ADK: variants seen among roughly 807,000 people sequenced by gnomAD.
ADK encodes N6,N6-dimethyladenosine kinase.
A neutral mutation model predicts 44.7 loss-of-function variants in ADK; 24 were observed. That is an observed-to-expected ratio of 0.54 (90% CI 0.39 to 0.76). ADK has a LOEUF of 0.76. Among genes scored for constraint, ADK ranks in the 30% least tolerant of loss-of-function variants. The pLI is 0.00. For synonymous variants in ADK, 128 were observed against 142.6 expected (o/e 0.90, Z 0.73); for missense variants, 321 against 425.1 (o/e 0.76, Z 2.15).
chr10:74,229,722 A>G (rs1213446812), intron 3 of ADK, among the ~76,000 whole-genome samples: 1 of 152,014 alleles, frequency 6.6e-6, no homozygotes, highest in Non-Finnish European at 1.5e-5. Context: ...TTAATTGTTA[A>G]TGCTGTGACT....
intron 9 of ADK, among the ~76,000 whole-genome samples, chr10:74,620,782 G>A (rs545939673): frequency 7.8e-4 from 119 of 151,978 alleles, no homozygotes; most frequent in Non-Finnish European, 1.4e-3. Flanking sequence ...GCATTTTCCT[G>A]ATGATTAGTG....
At chr10:74,449,721 A>T (rs1845705594) in intron 6 of ADK, among the ~76,000 whole-genome samples, 1 of 152,196 alleles carries the variant, frequency 6.6e-6, no homozygotes, top group Non-Finnish European at 1.5e-5. Context: ...TGGATGATGC[A>T]TATGCTTTAG....
chr10:74,273,985 G>T (rs1846552949), intron 3 of ADK, among the ~76,000 whole-genome samples: 1 of 151,994 alleles, frequency 6.6e-6, no homozygotes, highest in Non-Finnish European at 1.5e-5. Context: ...GAAAATTAAA[G>T]GTTTTTCTCA....
rs138449599 is a variant in ADK at position 74,158,359 on chromosome 10, A to G, written c.65+7016A>G. Among the ~76,000 whole-genome samples, 145 of 152,338 alleles carry G rather than the reference A, an allele frequency of 9.5e-4. 1 individual carries two copies. In the East Asian group the frequency reaches 0.026, roughly 27 times the overall value. ...CCAAATACCTCTGAAACTTGGTAAC[A>G]TAATTATTATGACTTTATTGTAGGC... On this transcript the variant is annotated intron_variant, in intron 1 of 10. Transcript: ENST00000539909.
chr10:74,272,402 A>C (rs1846468026), intron 3 of ADK, among the ~76,000 whole-genome samples: 1 of 151,558 alleles, frequency 6.6e-6, no homozygotes, highest in Non-Finnish European at 1.5e-5. Flanking sequence ...CAGCTTCCTG[A>C]GTGTTTGGGA....
At chr10:74,404,382 T>C (rs1230152132) in intron 6 of ADK, among the ~76,000 whole-genome samples, 2 of 152,206 alleles carry the variant, frequency 1.3e-5, no homozygotes, top group Non-Finnish European at 2.9e-5. Flanking sequence ...TTATTCCTTT[T>C]GGTTAGAATT....
At chr10:74,393,508 G>A (rs1024996838) in intron 4 of ADK, among the ~76,000 whole-genome samples, 60 of 152,172 alleles carry the variant, frequency 3.9e-4, no homozygotes, top group African/African-American at 1.3e-3. Flanking sequence ...GCATGTTTTA[G>A]CTTAATTTAT....
chr10:74,176,714 C>G, intron 1 of ADK: 2 of 1,474,948 alleles, frequency 1.4e-6, no homozygotes, highest in Admixed American at 2.2e-5. Flanking sequence ...CACGCCGGGC[C>G]GGCTAGCCAG....
intron 7 of ADK, among the ~76,000 whole-genome samples, chr10:74,581,679 A>AAAC (rs202207159): frequency 1.2e-4 from 18 of 152,248 alleles, no homozygotes; most frequent in South Asian, 2.1e-4. Flanking sequence ...AGGTTTCTAA[A>AAAC]AACAACAACA....
intron 9 of ADK, among the ~76,000 whole-genome samples, chr10:74,623,079 C>G (rs1853056969): frequency 6.6e-6 from 1 of 152,088 alleles, no homozygotes; most frequent in Admixed American, 6.5e-5. Context: ...CTGTTCCATA[C>G]CATGTTAACT....
intron 4 of ADK, among the ~76,000 whole-genome samples, chr10:74,328,839 C>T (rs962717865): frequency 8.6e-5 from 13 of 151,844 alleles, no homozygotes; most frequent in African/African-American, 2.9e-4. Context: ...TTTATAGCAG[C>T]GTGAAAATGG....
At chr10:74,302,088 C>T (rs368105335) in intron 3 of ADK, among the ~76,000 whole-genome samples, 1 of 21,880 alleles carries the variant, frequency 4.6e-5, no homozygotes, top group Admixed American at 4.8e-4. Flanking sequence ...CTTTTCTTTT[C>T]TGTTTTTTTT....
At chr10:74,367,398 G>GT (rs2131962400) in intron 4 of ADK, among the ~76,000 whole-genome samples, 1 of 152,230 alleles carries the variant, frequency 6.6e-6, no homozygotes, top group African/African-American at 2.4e-5. Flanking sequence ...TGAAATTACA[G>GT]TTTTTTAACA....
chr10:74,637,664 CTGT>C (rs751237867), intron 9 of ADK, among the ~76,000 whole-genome samples: 20 of 152,144 alleles, frequency 1.3e-4, no homozygotes, highest in Non-Finnish European at 2.6e-4. Flanking sequence ...AAAGTAACCT[CTGT>C]TGTTCAAATT....
At chr10:74,189,905 A>G (rs919396943) in intron 1 of ADK, among the ~76,000 whole-genome samples, 15 of 152,242 alleles carry the variant, frequency 9.9e-5, no homozygotes, top group East Asian at 3.9e-4. Context: ...AAGTTCATAC[A>G]TGTTGTAGCG....
At chr10:74,705,616 T>C (rs534888834) in intron 10 of ADK, among the ~76,000 whole-genome samples, 1 of 152,220 alleles carries the variant, frequency 6.6e-6, no homozygotes. Context: ...TTTACAAGTC[T>C]TTGTGTGGAT....
At chr10:74,489,193 G>C (rs956939701) in intron 6 of ADK, among the ~76,000 whole-genome samples, 2 of 151,860 alleles carry the variant, frequency 1.3e-5, no homozygotes, top group Non-Finnish European at 2.9e-5. Context: ...AGTTCATATG[G>C]AACACTCTGC....
At chr10:74,442,729 T>C (rs536484977) in intron 6 of ADK, among the ~76,000 whole-genome samples, 3 of 152,148 alleles carry the variant, frequency 2.0e-5, no homozygotes, top group Non-Finnish European at 2.9e-5. Flanking sequence ...TCAGCTGCAT[T>C]ATTCACAATA....
chr10:74,251,053 C>G (rs565319874), intron 3 of ADK, among the ~76,000 whole-genome samples: 1 of 152,224 alleles, frequency 6.6e-6, no homozygotes, highest in African/African-American at 2.4e-5. Context: ...AGAGTTAGAA[C>G]TGACAGGATT....
Sources: allele counts gnomAD v4.1 joint callset (sites outside exome capture counted in the v4.1 genomes callset), GRCh38; gene constraint gnomAD v4.1.1; transcripts MANE v1.5; gene names NCBI Gene and HGNC (gene_info 2026-07-23, HGNC 2026-07-21).